Variants in MID1 observed in about 807,000 individuals in gnomAD.
MID1 encodes E3 ubiquitin-protein ligase Midline-1.
A neutral mutation model predicts 40.4 loss-of-function variants in MID1; 7 were observed. The observed-to-expected ratio is 0.17, with a 90% CI of 0.10 to 0.33. The LOEUF is 0.33. Among genes scored for constraint, MID1 ranks in the 10% least tolerant of loss-of-function variants. The probability of loss-of-function intolerance (pLI) is 1.00; values close to 1 mark genes in which losing one functional copy is unlikely to be tolerated. For synonymous variants in MID1, 229 were observed against 221.2 expected, an observed-to-expected ratio of 1.04 and a Z score of -0.31; for missense variants, 367 against 558.5, an observed-to-expected ratio of 0.66 and a Z score of 3.46.
rs1934088145 is a variant in MID1, at chrX:10,555,619, G to GT, written c.660+11268dup. ...AATATTCCCTGAGTAAACAAATAAG[G>GT]TTTTTTCTTTCTTTTTTTTTTAAAA... On this transcript the variant is annotated intron_variant, in intron 2 of 9. Transcript: ENST00000317552. 3.6e-5 allele frequency among the ~76,000 whole-genome samples: 4 copies of GT among 109,980 alleles called. No homozygotes were observed. The South Asian group carries it at 1.2e-3, about 32-fold the overall frequency.
chrX:10,759,988 A>C (rs768548788), intron 1 of MID1, among the ~76,000 whole-genome samples: 14 of 112,034 alleles, frequency 1.2e-4, no homozygotes, highest in Non-Finnish European at 2.6e-4. Context: ...AGTCGCTGCT[A>C]GCTTTGCACA....
chrX:10,809,480 T>C (rs1305655106), intron 1 of MID1, among the ~76,000 whole-genome samples: 1 of 111,540 alleles, frequency 9.0e-6, no homozygotes, highest in East Asian at 2.8e-4. Context: ...CATGCACACA[T>C]ATGTTTATTG....
rs142585647 is a variant in MID1 at position 10,645,817 on chromosome X, T to C, written c.-186-25398A>G. ...CTTGATTCCTACCTTGAGGCTTTTC[T>C]GACAGGGCAAAGGAAACCCATCCCT... is the stretch of plus-strand genomic sequence containing the variant. On this transcript the variant is annotated intron_variant, in intron 1 of 10. Transcript: ENST00000380785. 3.0e-3 allele frequency among the ~76,000 whole-genome samples: 336 copies of C among 111,839 alleles called. 2 individuals are homozygous for C. Among genetic ancestry groups the C allele is most frequent in the African/African-American group, 0.011 (324 of 30,783 alleles).
chrX:10,455,782 T>C (rs1168364103), intron 8 of MID1, among the ~76,000 whole-genome samples: 1 of 112,181 alleles, frequency 8.9e-6, no homozygotes, highest in Non-Finnish European at 1.9e-5. Flanking sequence ...AAAAATGTGA[T>C]AGCAATGCCT....
intron 2 of MID1, among the ~76,000 whole-genome samples, chrX:10,540,544 G>A (rs1471567605): frequency 1.8e-5 from 2 of 111,619 alleles, no homozygotes; most frequent in South Asian, 3.8e-4. Context: ...TATTTCATCC[G>A]TGGAGTCACA....
At chrX:10,755,168 G>C (rs2043624632) in intron 1 of MID1, among the ~76,000 whole-genome samples, 1 of 111,950 alleles carries the variant, frequency 8.9e-6, no homozygotes, top group South Asian at 3.7e-4. Context: ...AGATGCTTTG[G>C]AAAAATAAGC....
intron 1 of MID1, among the ~76,000 whole-genome samples, chrX:10,639,343 T>C (rs1180899510): frequency 8.9e-6 from 1 of 111,876 alleles, no homozygotes; most frequent in African/African-American, 3.2e-5. Flanking sequence ...CTGAAAACCA[T>C]GGCATGAGAA....
Position 10,510,172 on chromosome X carries a change from T to C in MID1, c.756+12920A>G, listed in dbSNP as rs148157893. Among the ~76,000 whole-genome samples, 744 of 112,273 alleles carry C rather than the reference T, an allele frequency of 6.6e-3. 3 individuals carry two copies. The highest frequency in any genetic ancestry group is 0.023 in the Middle Eastern group (5 of 219). On this transcript the variant is annotated intron_variant, in intron 3 of 9. Transcript: ENST00000317552. ...TTAAACAATCAATTCTGTCTATACA[T>C]TAGCTGATTAAGTTCCTACACACAT...
chrX:10,523,805 TC>T (rs1488614039), intron 2 of MID1, among the ~76,000 whole-genome samples: 3 of 112,181 alleles, frequency 2.7e-5, no homozygotes, highest in Non-Finnish European at 5.6e-5. Flanking sequence ...GATGACTGCA[TC>T]TGTACTGAAC....
intron 1 of MID1, among the ~76,000 whole-genome samples, chrX:10,763,684 G>A (rs945646387): frequency 3.6e-5 from 4 of 111,279 alleles, no homozygotes; most frequent in Admixed American, 2.9e-4. Flanking sequence ...TATACCCAGT[G>A]ATGGGATGGC....
intron 2 of MID1, among the ~76,000 whole-genome samples, chrX:10,528,384 C>T (rs749675202): frequency 8.9e-6 from 1 of 112,149 alleles, no homozygotes; most frequent in South Asian, 3.7e-4. Flanking sequence ...CTCAAACCAG[C>T]CCCATTTCAA....
At position 10,469,924 on chromosome X, in the gene MID1, G is replaced by C. The variant is rs1929605526; in HGVS notation, c.1142-84C>G. The C allele has an allele frequency of 4.2e-6, 4 of 955,529 alleles. No individual in the cohort carries two copies. The East Asian group carries it at 1.2e-4, about 29-fold the overall frequency. The allele number at this position is 955,529 out of a possible 1,213,427, so 78.7% of individuals were successfully genotyped here. On this transcript the variant is annotated intron_variant, in intron 6 of 9. Transcript: ENST00000317552. ...AGAGGAGATGTTTGACAGTTAAGCA[G>C]GTCCTTCTCAATAGGTCCATCAGGA...
At chrX:10,461,138 T>TACACACACACACACACACACACACAC (rs200040870) in intron 7 of MID1, among the ~76,000 whole-genome samples, 17 of 96,788 alleles carry the variant, frequency 1.8e-4, no homozygotes, top group African/African-American at 6.3e-4. Context: ...TATCTAAAGA[T>TACACACACACACACACACACACACAC]ACACACACAC....
intron 1 of MID1, among the ~76,000 whole-genome samples, chrX:10,580,514 GTGGTAATATCTTATACTTTTCTTCTGA>G (rs1934984597): frequency 9.0e-6 from 1 of 111,107 alleles, no homozygotes; most frequent in Admixed American, 9.6e-5. Context: ...CCAAGTCATG[GTGGTAATATCTTATACTTTTCTTCTGA>G]TGCAAATTCT....
chrX:10,719,694 T>C (rs1470127617), intron 1 of MID1, among the ~76,000 whole-genome samples: 24 of 108,503 alleles, frequency 2.2e-4, no homozygotes, highest in Non-Finnish European at 3.7e-4. Context: ...TTGGAAAAAA[T>C]TACTTTAAAG....
intron 4 of MID1, among the ~76,000 whole-genome samples, chrX:10,494,064 A>G (rs1931098477): frequency 8.9e-6 from 1 of 112,365 alleles, no homozygotes; most frequent in Admixed American, 9.4e-5. Flanking sequence ...GTGCTCTTCT[A>G]AATTGGACAA....
chrX:10,580,189 C>G (rs1260869568), intron 1 of MID1, among the ~76,000 whole-genome samples: 2 of 73,372 alleles, frequency 2.7e-5, no homozygotes, highest in African/African-American at 2.0e-4. Flanking sequence ...CAATCACATG[C>G]CCCCCCCCGC....
intron 1 of MID1, among the ~76,000 whole-genome samples, chrX:10,595,263 A>G (rs1935390247): frequency 8.9e-6 from 1 of 112,010 alleles, no homozygotes; most frequent in South Asian, 3.8e-4. Flanking sequence ...TGTTTATTGC[A>G]GCACTCTTCA....
At chrX:10,604,587 A>C (rs190120821) in intron 1 of MID1, among the ~76,000 whole-genome samples, 2 of 111,816 alleles carry the variant, frequency 1.8e-5, no homozygotes, top group Admixed American at 1.9e-4. Flanking sequence ...AAAAAAAGGG[A>C]TTGCCTCTGC....
Sources: gnomAD v4.1 joint callset for allele counts (sites outside exome capture counted in the v4.1 genomes callset) on GRCh38, gnomAD v4.1.1 for gene constraint, MANE v1.5 for transcripts, NCBI Gene and HGNC (gene_info 2026-07-23, HGNC 2026-07-21) for gene names.